Variants in ELOVL2 observed in about 807,000 individuals in gnomAD.
The protein encoded by ELOVL2 is ELOVL fatty acid elongase 2.
ELOVL2 carries 38 observed loss-of-function variants against 37.7 expected under a neutral mutation model. That is an observed-to-expected ratio of 1.01 (90% CI 0.78 to 1.32). The LOEUF is 1.32. Ranked by LOEUF, ELOVL2 falls within the 40% of genes most tolerant of loss-of-function variation. The pLI is 0.00. For missense variants in ELOVL2, 352 were observed against 363.6 expected (o/e 0.97, Z 0.26); for synonymous variants, 115 against 122.3 (o/e 0.94, Z 0.40).
intron 4 of ELOVL2, among the ~76,000 whole-genome samples, chr6:10,997,260 C>T (rs1197658220): frequency 6.6e-6 from 1 of 152,070 alleles, no homozygotes; most frequent in Non-Finnish European, 1.5e-5. Context: ...ATATTATAAG[C>T]AAATCTCAGG....
chr6:10,996,595 A>G (rs1015016911), intron 4 of ELOVL2, among the ~76,000 whole-genome samples: 3 of 151,954 alleles, frequency 2.0e-5, no homozygotes, highest in Non-Finnish European at 4.4e-5. Flanking sequence ...GTGTGAACCC[A>G]GGAGGCGGAG....
At chr6:10,984,233 G>A (rs1781998965) in intron 7 of ELOVL2, among the ~76,000 whole-genome samples, 1 of 152,106 alleles carries the variant, frequency 6.6e-6, no homozygotes, top group Non-Finnish European at 1.5e-5. Context: ...GCCCAGGCTT[G>A]TCTTGAACTC....
chr6:11,035,969 C>T (rs925854504), intron 1 of ELOVL2, among the ~76,000 whole-genome samples: 4 of 152,058 alleles, frequency 2.6e-5, no homozygotes, highest in Admixed American at 6.5e-5. Context: ...TTGCATGTCT[C>T]GAGAGCAATT....
intron 7 of ELOVL2, among the ~76,000 whole-genome samples, chr6:10,988,749 A>G (rs1015847124): frequency 6.6e-6 from 1 of 152,226 alleles, no homozygotes; most frequent in Non-Finnish European, 1.5e-5. Flanking sequence ...TACAAAAGAG[A>G]GCAATTTAAA....
intron 5 of ELOVL2, among the ~76,000 whole-genome samples, chr6:10,994,328 C>T (rs556684911): frequency 4.0e-5 from 6 of 151,438 alleles, no homozygotes; most frequent in East Asian, 2.0e-4. Flanking sequence ...ATTAGCTGGG[C>T]GTGGTGGTGG....
rs1227993161 is a variant in ELOVL2, at chr6:10,981,306, T to A, written c.*2475A>T. 1 of 152,642 alleles carries A rather than the reference T, an allele frequency of 6.6e-6. No individual in the cohort carries two copies. Among genetic ancestry groups the A allele is most frequent in the Non-Finnish European group, 1.5e-5 (1 of 68,040 alleles). 9.5% of individuals were successfully genotyped at this position (152,642 alleles called of 1,614,324 possible). On this transcript the variant is annotated 3_prime_UTR_variant, in exon 8 of 8. Transcript: ENST00000354666. ...TTTAATAGATTATAGAAATATTAAT[T>A]TTTCAATAGTTTTAGAAAAATCACA...
chr6:10,992,811 A>AAAAAC (rs1491194261), intron 5 of ELOVL2, among the ~76,000 whole-genome samples: 3 of 145,526 alleles, frequency 2.1e-5, no homozygotes, highest in African/African-American at 8.0e-5. Context: ...AAAAAAAAAC[A>AAAAAC]AAAAAAAACA....
intron 1 of ELOVL2, among the ~76,000 whole-genome samples, chr6:11,012,858 G>C (rs1004634095): frequency 2.6e-5 from 4 of 152,208 alleles, no homozygotes; most frequent in Non-Finnish European, 5.9e-5. Flanking sequence ...TATCGTCACA[G>C]AGTTCTTAGT....
At chr6:10,991,798 C>T (rs1415081944) in intron 5 of ELOVL2, among the ~76,000 whole-genome samples, 1 of 152,146 alleles carries the variant, frequency 6.6e-6, no homozygotes, top group Non-Finnish European at 1.5e-5. Context: ...TTTTCATTTC[C>T]ATCAATTAAT....
chr6:11,028,095 G>GA (rs35286643), intron 1 of ELOVL2, among the ~76,000 whole-genome samples: 3 of 151,718 alleles, frequency 2.0e-5, no homozygotes, highest in South Asian at 2.1e-4. Context: ...GACTTTGGGG[G>GA]AAAAAAAACC....
intron 1 of ELOVL2, among the ~76,000 whole-genome samples, chr6:11,043,194 G>C (rs992762173): frequency 2.6e-5 from 4 of 152,092 alleles, no homozygotes; most frequent in Non-Finnish European, 2.9e-5. Context: ...AAGGAAGTGC[G>C]CTTATTTTAA....
At position 11,022,107 on chromosome 6, in the gene ELOVL2, A is replaced by AAGAC. The variant is rs1446825379; in HGVS notation, c.4-11302_4-11299dup. Among the ~76,000 whole-genome samples the AAGAC allele has an allele frequency of 7.2e-5, 11 of 152,226 alleles. No homozygotes were observed. The East Asian group carries it at 2.1e-3, about 29-fold the overall frequency. On this transcript the variant is annotated intron_variant, in intron 1 of 7. Coordinates refer to ENST00000354666, the MANE Select transcript of ELOVL2 (RefSeq NM_017770.4). ...GAAAAAGAATAGGATGTACTCATAT[A>AAGAC]AGACACTGGGGGTGCCCTTGCAGTG...
chr6:11,005,597 G>C, intron 2 of ELOVL2, 38 bp from the exon 3 acceptor site: 1 of 1,560,840 alleles, frequency 6.4e-7, no homozygotes, highest in Non-Finnish European at 8.8e-7. Flanking sequence ...CCTGAGGAAT[G>C]ATGCTCCTGT....
intron 5 of ELOVL2, among the ~76,000 whole-genome samples, chr6:10,991,129 A>G (rs1233158937): frequency 1.3e-5 from 2 of 152,248 alleles, no homozygotes; most frequent in South Asian, 2.1e-4. Context: ...ATAGGTGAAT[A>G]AGGCTTCAGG....
rs1782680428 is a variant in ELOVL2, at chr6:11,016,093, C to T, written c.4-5284G>A. 2.6e-5 allele frequency among the ~76,000 whole-genome samples: 4 copies of T among 152,126 alleles called. No individual in the cohort carries two copies. The South Asian group carries it at 8.3e-4, about 32-fold the overall frequency. On this transcript the variant is annotated intron_variant, in intron 1 of 7. Transcript: ENST00000354666. Reference sequence around the variant, plus strand: ...TATCTAAAGGATAGGACTCTTGATTCCATTTTATTCTTTCCTTTCTTTCTT... The same window carrying T: ...TATCTAAAGGATAGGACTCTTGATTTCATTTTATTCTTTCCTTTCTTTCTT...
At chr6:10,985,299 C>T (rs1483743219) in intron 7 of ELOVL2, among the ~76,000 whole-genome samples, 3 of 151,818 alleles carry the variant, frequency 2.0e-5, no homozygotes, top group African/African-American at 7.3e-5. Flanking sequence ...AATTTTCTCC[C>T]ATTCTGTAGG....
chr6:10,984,457 C>A (rs1395471253), intron 7 of ELOVL2, among the ~76,000 whole-genome samples: 2 of 149,824 alleles, frequency 1.3e-5, no homozygotes, highest in Non-Finnish European at 3.0e-5. Flanking sequence ...TGTGCTGCAC[C>A]CATTAACTCG....
intron 1 of ELOVL2, among the ~76,000 whole-genome samples, chr6:11,040,547 C>A (rs538659575): frequency 2.3e-4 from 35 of 152,196 alleles, no homozygotes; most frequent in Non-Finnish European, 3.2e-4. Context: ...TTTCACTTGT[C>A]TCTGTACTTT....
At chr6:10,988,291 G>A (rs549122665) in intron 7 of ELOVL2, among the ~76,000 whole-genome samples, 11 of 152,340 alleles carry the variant, frequency 7.2e-5, no homozygotes, top group African/African-American at 2.2e-4. Flanking sequence ...GGGGATGTGT[G>A]TGGTGGTTCA....
Sources: gnomAD v4.1 joint callset for allele counts (sites outside exome capture counted in the v4.1 genomes callset) on GRCh38, gnomAD v4.1.1 for gene constraint, MANE v1.5 for transcripts, NCBI Gene and HGNC (gene_info 2026-07-23, HGNC 2026-07-21) for gene names.